The following MOGAT3 variants were observed in gnomAD, a reference collection of about 807,000 sequenced individuals.
MOGAT3 encodes 2-acylglycerol O-acyltransferase 3.
MOGAT3 carries 39 observed loss-of-function variants against 34.4 expected under a neutral mutation model. The ratio of observed to expected loss-of-function variants is 1.13; its 90% CI spans 0.88 to 1.48. The LOEUF (loss-of-function observed/expected upper bound fraction) is 1.48, where lower values mean the gene tolerates loss of function less well. Ranked by LOEUF, MOGAT3 falls within the 40% of genes most tolerant of loss-of-function variation. MOGAT3 has a pLI of 0.00. For synonymous variants in MOGAT3, 209 were observed against 179.2 expected, an observed-to-expected ratio of 1.17 and a Z score of -1.33; for missense variants, 439 against 438.9, an observed-to-expected ratio of 1.00 and a Z score of 0.00.
At position 101,196,249 on chromosome 7, in the gene MOGAT3, C is replaced by T. The variant is rs767154824; in HGVS notation, c.809G>A (p.Arg270His). Residue 270 changes from arginine (R) to histidine (H), a missense_variant, in exon 6 of 7, where the codon CGC becomes CAC. Arg to His is a conservative substitution (Grantham distance 29). Transcript: ENST00000223114. ...MGFSPCIFWG[R>H]GLFSATSWGL... ...CCAGGAGGTGGCTGAGAAGAGACCG[C>T]GACCCCAGAAGATGCAAGGAGAGAA... The T allele has an allele frequency of 7.5e-6, 12 of 1,603,838 alleles. No individual in the cohort carries two copies. Among genetic ancestry groups the T allele is most frequent in the East Asian group, 4.5e-5 (2 of 44,558 alleles).
chr7:101,200,355 A>AC, intron 2 of MOGAT3, 51 bp from the exon 3 acceptor site: 1 of 1,605,374 alleles, frequency 6.2e-7, no homozygotes, highest in Non-Finnish European at 8.5e-7. Flanking sequence ...ACCTCCCCTC[A>AC]CCCCCCATGT....
At chr7:101,200,723 A>AC (rs756055308) in intron 1 of MOGAT3, 23 bp downstream of exon 1, 3 of 1,601,050 alleles carry the variant, frequency 1.9e-6, no homozygotes, top group South Asian at 1.1e-5. Flanking sequence ...GACCCCAGGC[A>AC]CCCACGCCTC....
rs541338926 is a variant in MOGAT3 at position 101,195,928 on chromosome 7, G to A, written c.*18C>T. On this transcript the variant is annotated 3_prime_UTR_variant, in exon 7 of 7. Coordinates refer to ENST00000223114, the MANE Select transcript of MOGAT3 (RefSeq NM_178176.4). ...AGTGCCTTGGGCTCAGGGGCTCAGC[G>A]AAAGGCCGCGGCCAGGCCTAGATGA... The A allele has an allele frequency of 1.1e-5, 17 of 1,613,860 alleles. No homozygotes were observed. The highest frequency in any genetic ancestry group is 5.5e-5 in the South Asian group (5 of 91,078).
In MOGAT3 at chr7:101,198,203, G is replaced by T. The variant is rs781565439; in HGVS notation, c.656C>A (p.Ala219Glu). 6.6e-5 allele frequency: 106 copies of T among 1,612,384 alleles called. No homozygotes were observed. The highest frequency in any genetic ancestry group is 8.8e-5 in the Non-Finnish European group (104 of 1,179,176). The stretch of plus-strand genomic sequence containing the variant: ...CACGCGCACTCACCCGTGCCTCAGC[G>T]CCAGGCGCACGAAGCCTTTGCGCTT... The part of the protein sequence containing the change: ...LQKRKGFVRL[A>E]LRHGASLVPV... The change falls in exon 5 of 7, where the codon GCG becomes GAG. Residue 219 changes from alanine (A) to glutamate (E), a missense_variant. Physicochemically the swap from Ala to Glu is moderately radical, Grantham distance 107. Transcript: ENST00000223114.
intron 4 of MOGAT3, 40 bp downstream of exon 4, chr7:101,198,586 C>A: frequency 6.3e-7 from 1 of 1,579,618 alleles, no homozygotes; most frequent in South Asian, 1.1e-5. Flanking sequence ...AACATCTGGT[C>A]AGGAGTCTCC....
chr7:101,198,098 CGGAT>C, intron 5 of MOGAT3, 89 bp downstream of exon 5: 14 of 1,420,524 alleles, frequency 9.9e-6, no homozygotes, highest in Non-Finnish European at 1.3e-5. Context: ...TCTGGGCACC[CGGAT>C]CCCCCATGCA....
At position 101,195,719 on chromosome 7, in the gene MOGAT3, T is replaced by C; in HGVS notation, c.*227A>G. The stretch of plus-strand genomic sequence containing the variant: ...ACCATGCCCGGCTAATTAACAACAT[T>C]ATTTTTTAATTTTTGTAGAAATGAA... On this transcript the variant is annotated 3_prime_UTR_variant, in exon 7 of 7. Transcript: ENST00000223114. 2 of 569,312 alleles carry C rather than the reference T, an allele frequency of 3.5e-6. No individual in the cohort carries two copies. The highest frequency in any genetic ancestry group is 1.9e-5 in the African/African-American group (1 of 53,130). The allele number at this position is 569,312 out of a possible 1,614,324, so 35.3% of individuals were successfully genotyped here. A position where few individuals can be genotyped will look rare whatever the true frequency, so the allele number is the denominator to read the frequency against.
chr7:101,196,468 C>G, intron 5 of MOGAT3, 79 bp from the exon 6 acceptor site: 2 of 969,538 alleles, frequency 2.1e-6, no homozygotes, highest in Non-Finnish European at 3.1e-6. Flanking sequence ...GCTACAAGTC[C>G]TTCCCACTAC....
rs368812462 is a variant in MOGAT3, at chr7:101,196,163, G to A, written c.871+24C>T. ...GATGCCCACGCAGCTGCTGGTGGCC[G>A]TCCCCCCGGAGGTGGGCACTCACCC... On this transcript the variant is annotated intron_variant, in intron 6 of 6. Coordinates refer to ENST00000223114, the MANE Select transcript of MOGAT3 (RefSeq NM_178176.4). 7.9e-5 allele frequency: 124 copies of A among 1,569,144 alleles called. 1 individual carries two copies. The highest frequency in any genetic ancestry group is 9.4e-5 in the Non-Finnish European group (109 of 1,156,878).
rs149668601 is a variant in MOGAT3 at position 101,200,433 on chromosome 7, A to T, written c.192T>A (p.Tyr64Ter). The change falls in exon 2 of 7, where the codon TAT (tyrosine) becomes TAA (stop). Residue 64 changes from tyrosine to a stop codon, truncating the protein, a stop_gained. Transcript: ENST00000223114. LOFTEE classifies it high-confidence loss of function. ...CTTGGTTGGGTGTGTCCCAGTCCAC[A>T]TAGAGCCACACCAAGTAAAAAACAG... ...PFSVFYLVWL[Y>*]VDWDTPNQGG... The T allele has an allele frequency of 2.4e-4, 390 of 1,612,410 alleles. 1 individual carries two copies. The East Asian group carries it at 3.2e-3, about 13-fold the overall frequency.
chr7:101,198,155 A>C, intron 5 of MOGAT3, 36 bp downstream of exon 5: 2 of 1,578,708 alleles, frequency 1.3e-6, no homozygotes, highest in Non-Finnish European at 1.7e-6. Flanking sequence ...ATAAACCAGC[A>C]GAGAACTGAC....
At chr7:101,196,418 C>T in intron 5 of MOGAT3, 29 bp from the exon 6 acceptor site, 1 of 1,562,430 alleles carries the variant, frequency 6.4e-7, no homozygotes, top group East Asian at 2.2e-5. Flanking sequence ...GAAGAGGGGG[C>T]TCAGGCTGCT....
At position 101,200,295 on chromosome 7, in the gene MOGAT3, C is replaced by G. The variant is rs374162019; in HGVS notation, c.227G>C (p.Arg76Pro). The change falls in exon 3 of 7, where the codon CGT becomes CCT. Residue 76 changes from arginine (R) to proline (P), a missense_variant. Transcript: ENST00000223114. ...DWDTPNQGGR[R>P]SEWIRNRAIW... ...TGCCCGGTTCCTTATCCACTCCGAA[C>G]GCCTTCCACCTGCGGACAATGAGAT... is the stretch of plus-strand genomic sequence containing the variant. 1 of 1,614,052 alleles carries G rather than the reference C, an allele frequency of 6.2e-7. No individual in the cohort carries two copies. Among genetic ancestry groups the G allele is most frequent in the East Asian group, 2.2e-5 (1 of 44,854 alleles).
chr7:101,196,189 A>AG lies in MOGAT3; in HGVS notation c.868_869insC (p.Val290AlafsTer61), dbSNP rs1797778738. On this transcript the variant is annotated frameshift_variant, in exon 6 of 7. Coordinates refer to ENST00000223114, the MANE Select transcript of MOGAT3 (RefSeq NM_178176.4). LOFTEE classifies it low-confidence loss of function (END_TRUNC). ...TCCCCCCGGAGGTGGGCACTCACCCACAGTGGTGATGGGCACAGCAAAGGG... is the reference window on the plus strand; with the variant it reads ...TCCCCCCGGAGGTGGGCACTCACCCAGCAGTGGTGATGGGCACAGCAAAGGG... 2.5e-6 allele frequency: 4 copies of AG among 1,574,434 alleles called. No individual in the cohort carries two copies. Among genetic ancestry groups the AG allele is most frequent in the Non-Finnish European group, 3.4e-6 (4 of 1,159,626 alleles).
chr7:101,200,396 T>TCAC lies in MOGAT3; in HGVS notation c.217+11_217+12insGTG. 6.2e-7 allele frequency: 1 copy of TCAC among 1,604,630 alleles called. No individual in the cohort carries two copies. Among genetic ancestry groups the TCAC allele is most frequent in the Non-Finnish European group, 8.5e-7 (1 of 1,173,368 alleles). ...CCATCTCTGGCTACCTGGGCCCCCATCCGGAGCTCACCTTGGTTGGGTGTG... is the reference window on the plus strand; with the variant it reads ...CCATCTCTGGCTACCTGGGCCCCCATCACCCGGAGCTCACCTTGGTTGGGTGTG... On this transcript the variant is annotated intron_variant, in intron 2 of 6. Transcript: ENST00000223114.
At chr7:101,198,596 C>T (rs1305586707) in intron 4 of MOGAT3, 30 bp downstream of exon 4, 3 of 1,599,222 alleles carry the variant, frequency 1.9e-6, no homozygotes, top group Non-Finnish European at 2.6e-6. Flanking sequence ...CAGGAGTCTC[C>T]TCCCGTTCTC....
intron 3 of MOGAT3, among the ~76,000 whole-genome samples, chr7:101,199,788 G>A (rs563279180): frequency 6.0e-4 from 89 of 148,236 alleles, no homozygotes; most frequent in Middle Eastern, 3.4e-3. Context: ...CCAAGGCCCC[G>A]CTCTTGAACA....
At chr7:101,199,324 T>C (rs754418209) in intron 3 of MOGAT3, among the ~76,000 whole-genome samples, 40 of 152,040 alleles carry the variant, frequency 2.6e-4, no homozygotes, top group Middle Eastern at 3.4e-3. Context: ...TTTCTTTTCT[T>C]TTTTTGAGGC....
At position 101,200,590 on chromosome 7, in the gene MOGAT3, C is replaced by T; in HGVS notation, c.110-75G>A. ...TCCCTCCAGCTGCTCCCTTCCCTTC[C>T]TCCCCTTCAGAACAACCAGCTCTCT... is the stretch of plus-strand genomic sequence containing the variant. On this transcript the variant is annotated intron_variant, in intron 1 of 6. Coordinates refer to ENST00000223114, the MANE Select transcript of MOGAT3 (RefSeq NM_178176.4). 2 of 1,367,208 alleles carry T rather than the reference C, an allele frequency of 1.5e-6. 1 individual carries two copies. Among genetic ancestry groups the T allele is most frequent in the South Asian group, 2.5e-5 (2 of 78,914 alleles). The allele number at this position is 1,367,208 out of a possible 1,614,324, so 84.7% of individuals were successfully genotyped here. A position where few individuals can be genotyped will look rare whatever the true frequency, so the allele number is the denominator to read the frequency against.
Sources: allele counts gnomAD v4.1 joint callset (sites outside exome capture counted in the v4.1 genomes callset), GRCh38; gene constraint gnomAD v4.1.1; transcripts MANE v1.5; gene names NCBI Gene and HGNC (gene_info 2026-07-23, HGNC 2026-07-21).